Variants in DTWD1 observed in about 807,000 individuals in gnomAD.
DTWD1 encodes DTW motif tRNA-uridine aminocarboxypropyltransferase 1.
Under a neutral mutation model 30.2 loss-of-function variants are expected in DTWD1, and 27 were observed. The observed-to-expected ratio is 0.90, with a 90% CI of 0.66 to 1.23. The LOEUF (loss-of-function observed/expected upper bound fraction) is 1.23. Among genes scored for constraint, DTWD1 ranks in the 50% most tolerant of loss-of-function variants. DTWD1 has a pLI of 0.00. For missense variants in DTWD1, 342 were observed against 348.8 expected (o/e 0.98, Z 0.15); for synonymous variants, 99 against 113.1 (o/e 0.88, Z 0.79).
Position 49,625,325 on chromosome 15 carries a change from G to T in DTWD1, c.158G>T (p.Ser53Ile). 6.2e-7 allele frequency: 1 copy of T among 1,613,688 alleles called. No homozygotes were observed. The change falls in exon 2 of 5, where the codon AGT (serine) becomes ATT (isoleucine). Residue 53 changes from serine (S) to isoleucine (I), a missense_variant. By Grantham distance (142) the Ser-to-Ile change is moderately radical (BLOSUM62 -2). Coordinates refer to ENST00000403028, the MANE Select transcript of DTWD1 (RefSeq NM_001144955.2). ...SQEVLQKAQQ[S>I]GRSKCLKCGG... ...GAAGTTCTTCAAAAAGCTCAGCAAA[G>T]TGGGAGATCAAAATGTCTCAAATGT...
intron 2 of DTWD1, chr15:49,630,990 C>T (rs1278077266): frequency 2.2e-6 from 1 of 447,828 alleles, no homozygotes; most frequent in African/African-American, 2.0e-5. Context: ...TCACTGTCTC[C>T]CATGTCCTAG....
chr15:49,643,304 T>G (rs762922471), intron 4 of DTWD1, 27 bp from the exon 5 acceptor site: 4 of 1,441,448 alleles, frequency 2.8e-6, no homozygotes, highest in Non-Finnish European at 3.6e-6. Context: ...CTTTCTTTCT[T>G]TCTTTTTTTT....
Position 49,655,608 on chromosome 15 carries a change from A to T in DTWD1, c.*12030A>T, listed in dbSNP as rs1240819238. On this transcript the variant is annotated 3_prime_UTR_variant, in exon 5 of 5. Transcript: ENST00000403028. ...TTGGCTAAGAATTGGGGTGCTATAG[A>T]TAATTCCCAAAAGATTATCTAGCCT... is the stretch of plus-strand genomic sequence containing the variant. 1.3e-5 allele frequency: 2 copies of T among 152,058 alleles called. No individual in the cohort carries two copies. The highest frequency in any genetic ancestry group is 3.9e-4 in the East Asian group (2 of 5,166). The allele number at this position is 152,058 out of a possible 1,614,324, so 9.4% of individuals were successfully genotyped here.
intron 4 of DTWD1, among the ~76,000 whole-genome samples, chr15:49,638,867 A>G (rs986600464): frequency 6.6e-6 from 1 of 152,196 alleles, no homozygotes; most frequent in African/African-American, 2.4e-5. Flanking sequence ...ACCTAAACCT[A>G]CAGGTGAAGA....
At position 49,651,329 on chromosome 15, in the gene DTWD1, C is replaced by T. The variant is rs1179170799; in HGVS notation, c.*7751C>T. 1.3e-5 allele frequency: 2 copies of T among 152,048 alleles called. No homozygotes were observed. Among genetic ancestry groups the T allele is most frequent in the East Asian group, 1.9e-4 (1 of 5,162 alleles). The allele number at this position is 152,048 out of a possible 1,614,324, so 9.4% of individuals were successfully genotyped here. A position where few individuals can be genotyped will look rare whatever the true frequency, so the allele number is the denominator to read the frequency against. ...AGGTCTCTGTATTACGTGCAGTGCC[C>T]ACCAGAGAGCATTCAGTACTGAAGA... On this transcript the variant is annotated 3_prime_UTR_variant, in exon 5 of 5. Coordinates refer to ENST00000403028, the MANE Select transcript of DTWD1 (RefSeq NM_001144955.2).
intron 1 of DTWD1, among the ~76,000 whole-genome samples, chr15:49,622,150 A>G (rs1208337694): frequency 1.3e-5 from 2 of 152,192 alleles, no homozygotes; most frequent in Non-Finnish European, 2.9e-5. Flanking sequence ...GATTTAGTTA[A>G]CAAGTGTTTG....
chr15:49,632,436 C>A, intron 3 of DTWD1, 134 bp downstream of exon 3: 2 of 819,658 alleles, frequency 2.4e-6, no homozygotes. Context: ...TAATGTTAGA[C>A]AATATACAGT....
At chr15:49,642,144 T>C (rs1371905926) in intron 4 of DTWD1, among the ~76,000 whole-genome samples, 1 of 152,184 alleles carries the variant, frequency 6.6e-6, no homozygotes. Context: ...ACATTTTACA[T>C]TGAGTAAAAG....
chr15:49,626,980 A>C (rs1264876774), intron 2 of DTWD1: 1 of 221,454 alleles, frequency 4.5e-6, no homozygotes. Flanking sequence ...GAATTATTCT[A>C]TTTTACATTT....
intron 1 of DTWD1, among the ~76,000 whole-genome samples, chr15:49,624,051 A>AG (rs1258619596): frequency 4.2e-5 from 1 of 23,898 alleles, no homozygotes; most frequent in Non-Finnish European, 2.0e-4. Context: ...TTACAATCTT[A>AG]AAAAAAAAAA....
chr15:49,622,649 T>C (rs1482239819), intron 1 of DTWD1, among the ~76,000 whole-genome samples: 8 of 152,194 alleles, frequency 5.3e-5, no homozygotes, highest in African/African-American at 1.7e-4. Context: ...GTTTTAAAAA[T>C]TTTAAATAAC....
chr15:49,628,026 A>G (rs2078867631), intron 2 of DTWD1, among the ~76,000 whole-genome samples: 1 of 149,794 alleles, frequency 6.7e-6, no homozygotes, highest in Non-Finnish European at 1.5e-5. Context: ...GAACAAAAAT[A>G]TTTCTTTATG....
rs567443490 is a variant in DTWD1 at position 49,633,278 on chromosome 15, G to T, written c.408+976G>T. 3.6e-3 allele frequency among the ~76,000 whole-genome samples: 546 copies of T among 151,774 alleles called. 3 individuals are homozygous for T. Among genetic ancestry groups the T allele is most frequent in the African/African-American group, 0.012 (515 of 41,416 alleles). On this transcript the variant is annotated intron_variant, in intron 3 of 4. Transcript: ENST00000403028. ...TGGACTTTGCTAACTGGATATAGGGGGAAATATAGACATGTATTATGAATA... is the reference window on the plus strand; with the variant it reads ...TGGACTTTGCTAACTGGATATAGGGTGAAATATAGACATGTATTATGAATA...
intron 4 of DTWD1, among the ~76,000 whole-genome samples, chr15:49,636,912 A>AT (rs2153353355): frequency 6.6e-6 from 1 of 152,118 alleles, no homozygotes; most frequent in Admixed American, 6.5e-5. Flanking sequence ...ATAAAGGTTT[A>AT]TTTTTTCTCT....
chr15:49,624,210 TC>T (rs2078808502), intron 1 of DTWD1, among the ~76,000 whole-genome samples: 1 of 152,216 alleles, frequency 6.6e-6, no homozygotes, highest in Non-Finnish European at 1.5e-5. Context: ...TCACAGCATT[TC>T]TCTTGTCCCT....
In DTWD1 at chr15:49,649,427, CAA is replaced by C. The variant is rs2079139638; in HGVS notation, c.*5854_*5855del. On this transcript the variant is annotated 3_prime_UTR_variant, in exon 5 of 5. Transcript: ENST00000403028. Reference sequence around the variant, plus strand: ...TAAAACGGAGAAGGAAACCAAAAACCAAAAAAGAGAGCATTAAGAAGTCAGCA... The same window carrying C: ...TAAAACGGAGAAGGAAACCAAAAACCAAAAGAGAGCATTAAGAAGTCAGCA... 6.6e-6 allele frequency: 1 copy of C among 151,902 alleles called. No individual in the cohort carries two copies. The highest frequency in any genetic ancestry group is 1.5e-5 in the Non-Finnish European group (1 of 67,974). 9.4% of individuals were successfully genotyped at this position (151,902 alleles called of 1,614,324 possible).
intron 4 of DTWD1, among the ~76,000 whole-genome samples, chr15:49,642,431 CTG>C (rs1221876055): frequency 2.6e-5 from 4 of 152,114 alleles, no homozygotes; most frequent in African/African-American, 4.8e-5. Context: ...TTCTACCTGA[CTG>C]TGTTATTGAG....
At position 49,655,482 on chromosome 15, in the gene DTWD1, T is replaced by G. The variant is rs1468980519; in HGVS notation, c.*11904T>G. ...TCCATGCTGGTGGTATCCTCATCAATGCAATTTTCTTTAAAACTCTGTGAG... is the reference window on the plus strand; with the variant it reads ...TCCATGCTGGTGGTATCCTCATCAAGGCAATTTTCTTTAAAACTCTGTGAG... On this transcript the variant is annotated 3_prime_UTR_variant, in exon 5 of 5. Transcript: ENST00000403028. 1.3e-5 allele frequency: 2 copies of G among 151,914 alleles called. No individual in the cohort carries two copies. The highest frequency in any genetic ancestry group is 4.8e-5 in the African/African-American group (2 of 41,394). 9.4% of individuals were successfully genotyped at this position (151,914 alleles called of 1,614,324 possible).
At position 49,652,969 on chromosome 15, in the gene DTWD1, C is replaced by A. The variant is rs1194167275; in HGVS notation, c.*9391C>A. The A allele has an allele frequency of 6.6e-6, 1 of 152,066 alleles. No homozygotes were observed. The highest frequency in any genetic ancestry group is 1.5e-5 in the Non-Finnish European group (1 of 68,020). 9.4% of individuals were successfully genotyped at this position (152,066 alleles called of 1,614,324 possible). ...CAGCTGAATGTAGCTGCCAAAGTTA[C>A]CTTAATGCCCATGGGAAGCAAAAAA... On this transcript the variant is annotated 3_prime_UTR_variant, in exon 5 of 5. Coordinates refer to ENST00000403028, the MANE Select transcript of DTWD1 (RefSeq NM_001144955.2).
Sources: gnomAD v4.1 joint callset for allele counts (sites outside exome capture counted in the v4.1 genomes callset) on GRCh38, gnomAD v4.1.1 for gene constraint, MANE v1.5 for transcripts, NCBI Gene and HGNC (gene_info 2026-07-23, HGNC 2026-07-21) for gene names.